Variants in NELFA observed in about 807,000 individuals in gnomAD.
NELFA encodes negative elongation factor complex member A, also known as negative elongation factor A.
In NELFA, 35 loss-of-function variants were observed where a neutral mutation model predicts 51.8. That is an observed-to-expected ratio of 0.68 (90% confidence interval 0.52 to 0.90). The LOEUF is 0.90. Ranked by LOEUF, NELFA falls within the 40% of genes least tolerant of loss-of-function variation. The pLI is 0.00. For missense variants in NELFA, 658 were observed against 746.4 expected, an observed-to-expected ratio of 0.88 and a Z score of 1.38; for synonymous variants, 417 against 338.4, an observed-to-expected ratio of 1.23 and a Z score of -2.55.
At chr4:2,007,421 C>T (rs1289378709) in intron 1 of NELFA, among the ~76,000 whole-genome samples, 2 of 152,184 alleles carry the variant, frequency 1.3e-5, no homozygotes, top group African/African-American at 4.8e-5. Context: ...CTCGTGCTCA[C>T]AGACAGGAAT....
At chr4:2,005,582 C>G (rs1335782496) in intron 1 of NELFA, among the ~76,000 whole-genome samples, 1 of 151,996 alleles carries the variant, frequency 6.6e-6, no homozygotes, top group Non-Finnish European at 1.5e-5. Context: ...ATCCCAGTTA[C>G]TCGGGAAGCT....
chr4:1,988,075 C>A, intron 3 of NELFA, 68 bp from the exon 4 acceptor site: 1 of 1,349,680 alleles, frequency 7.4e-7, no homozygotes, highest in Admixed American at 2.0e-5. Flanking sequence ...GTAAAAACAT[C>A]TCTGTCAAGT....
intron 1 of NELFA, among the ~76,000 whole-genome samples, chr4:2,005,243 C>T (rs1001468229): frequency 2.0e-5 from 3 of 151,866 alleles, no homozygotes; most frequent in East Asian, 1.9e-4. Flanking sequence ...CAAAACATTC[C>T]GAGTTCTCCC....
At chr4:1,984,240 TG>T (rs1413957670) in intron 8 of NELFA, 127 bp from the exon 9 acceptor site, 5 of 1,208,648 alleles carry the variant, frequency 4.1e-6, no homozygotes, top group African/African-American at 1.5e-5. Flanking sequence ...GAACTCCCTG[TG>T]GCCCCCAGCC....
intron 1 of NELFA, among the ~76,000 whole-genome samples, chr4:2,008,268 G>T (rs1469078102): frequency 6.6e-6 from 1 of 151,860 alleles, no homozygotes; most frequent in Non-Finnish European, 1.5e-5. Context: ...TTAGGGTGGT[G>T]AGGACCGAAG....
At chr4:1,986,449 C>G (rs368905227) in intron 4 of NELFA, 47 bp from the exon 5 acceptor site, 5 of 1,597,812 alleles carry the variant, frequency 3.1e-6, no homozygotes, top group Non-Finnish European at 4.3e-6. Context: ...GACCGGCAAA[C>G]GTCCCCCACC....
At chr4:1,988,666 T>G (rs1728184748) in intron 3 of NELFA, among the ~76,000 whole-genome samples, 1 of 152,252 alleles carries the variant, frequency 6.6e-6, no homozygotes, top group South Asian at 2.1e-4. Flanking sequence ...GGTATTGATG[T>G]ACATTATAAA....
intron 5 of NELFA, 40 bp downstream of exon 5, chr4:1,986,232 C>T (rs369907817): frequency 1.5e-4 from 230 of 1,563,978 alleles, no homozygotes; most frequent in African/African-American, 3.5e-4. Context: ...CAGGGCGCAA[C>T]GGGCCCCGGG....
chr4:2,004,809 CTTTTTTT>C (rs760686190), intron 1 of NELFA, among the ~76,000 whole-genome samples: 2 of 119,564 alleles, frequency 1.7e-5, no homozygotes, highest in African/African-American at 6.3e-5. Flanking sequence ...TTTAATAAAG[CTTTTTTT>C]TTTTTTTTGG....
chr4:1,987,801 A>G (rs768264771), intron 4 of NELFA, 117 bp downstream of exon 4: 29 of 871,612 alleles, frequency 3.3e-5, no homozygotes, highest in Non-Finnish European at 4.3e-5. Flanking sequence ...GGCTCCCAAC[A>G]CTGCTGCCTG....
At chr4:2,008,646 G>T in intron 1 of NELFA, 104 bp downstream of exon 1, 2 of 1,367,546 alleles carry the variant, frequency 1.5e-6, no homozygotes, top group Non-Finnish European at 9.9e-7. Context: ...GAAGGGGGAT[G>T]GGAAGGTTGG....
At chr4:2,004,513 G>A (rs557104401) in intron 1 of NELFA, among the ~76,000 whole-genome samples, 9 of 151,836 alleles carry the variant, frequency 5.9e-5, no homozygotes, top group Admixed American at 1.3e-4. Flanking sequence ...TTTGAGACAG[G>A]GTCTCATTCT....
At chr4:2,006,196 C>A (rs1032960797) in intron 1 of NELFA, among the ~76,000 whole-genome samples, 1 of 152,240 alleles carries the variant, frequency 6.6e-6, no homozygotes, top group African/African-American at 2.4e-5. Context: ...ACAGCAGAAG[C>A]TGCAGTGCAG....
In NELFA at chr4:1,983,046, T is replaced by C. The variant is rs975963958; in HGVS notation, c.*273A>G. ...CACTAAAATTAGGAAGTTGTAACTTTTTTGGTTAATTTACTTACTACATTC... is the reference window on the plus strand; with the variant it reads ...CACTAAAATTAGGAAGTTGTAACTTCTTTGGTTAATTTACTTACTACATTC... On this transcript the variant is annotated 3_prime_UTR_variant, in exon 11 of 11. Transcript: ENST00000382882. 1 of 346,144 alleles carries C rather than the reference T, an allele frequency of 2.9e-6. No individual in the cohort carries two copies. Among genetic ancestry groups the C allele is most frequent in the Non-Finnish European group, 5.2e-6 (1 of 193,184 alleles). 21.4% of individuals were successfully genotyped at this position (346,144 alleles called of 1,614,324 possible).
chr4:1,983,544 C>T (rs764067738), intron 10 of NELFA, 41 bp from the exon 11 acceptor site: 3 of 1,611,438 alleles, frequency 1.9e-6, no homozygotes, highest in African/African-American at 1.3e-5. Flanking sequence ...TCTGGGGGCA[C>T]CCGCCCCCAA....
chr4:2,001,796 G>A (rs906978071), intron 1 of NELFA, among the ~76,000 whole-genome samples: 5 of 152,146 alleles, frequency 3.3e-5, no homozygotes, highest in African/African-American at 4.8e-5. Context: ...CCAGCTACTC[G>A]GGAGGCTGAG....
chr4:1,997,539 T>C (rs961707787), intron 1 of NELFA, among the ~76,000 whole-genome samples: 1 of 152,224 alleles, frequency 6.6e-6, no homozygotes, highest in Non-Finnish European at 1.5e-5. Context: ...TATTTAAGCA[T>C]TTGATAAAAT....
intron 1 of NELFA, among the ~76,000 whole-genome samples, chr4:1,998,616 G>A (rs1212910312): frequency 1.3e-5 from 2 of 151,932 alleles, no homozygotes; most frequent in African/African-American, 4.8e-5. Context: ...AGAATGAAAA[G>A]GAACGAACAA....
At chr4:1,987,770 C>T in intron 4 of NELFA, 148 bp downstream of exon 4, 1 of 652,084 alleles carries the variant, frequency 1.5e-6, no homozygotes, top group Non-Finnish European at 2.5e-6. Context: ...GAAATTGCCC[C>T]AGTGCCTTCG....
Sources: gnomAD v4.1 joint callset for allele counts (sites outside exome capture counted in the v4.1 genomes callset) on GRCh38, gnomAD v4.1.1 for gene constraint, MANE v1.5 for transcripts, NCBI Gene and HGNC (gene_info 2026-07-23, HGNC 2026-07-21) for gene names.